Variants in LHX9 observed in about 807,000 individuals in gnomAD.
LHX9 encodes the protein LIM homeobox 9.
LHX9 carries 9 observed loss-of-function variants against 36.5 expected under a neutral mutation model. The ratio of observed to expected loss-of-function variants is 0.25; its 90% CI spans 0.15 to 0.43. The LOEUF (loss-of-function observed/expected upper bound fraction) is 0.43. LHX9 is among the 20% of genes least tolerant of loss of function. The pLI, the probability that LHX9 is intolerant of heterozygous loss-of-function variation, is 1.00. For missense variants in LHX9, 464 were observed against 526.4 expected (o/e 0.88, Z 1.16); for synonymous variants, 211 against 212.1 (o/e 0.99, Z 0.04).
intron 1 of LHX9, chr1:197,918,391 G>A: frequency 1.4e-6 from 1 of 717,160 alleles, no homozygotes; most frequent in Non-Finnish European, 2.6e-6. Context: ...CGCTGCCGAG[G>A]CGTCCGAGCC....
At chr1:197,923,003 G>A (rs1378637359) in intron 3 of LHX9, among the ~76,000 whole-genome samples, 1 of 152,180 alleles carries the variant, frequency 6.6e-6, no homozygotes, top group East Asian at 1.9e-4. Flanking sequence ...AGTTTTCAGG[G>A]GAACCCACAC....
chr1:197,925,320 G>T (rs1281818749), intron 3 of LHX9, among the ~76,000 whole-genome samples: 4 of 152,122 alleles, frequency 2.6e-5, no homozygotes, highest in Non-Finnish European at 5.9e-5. Context: ...TGATTATATA[G>T]TCAGGTTGGG....
upstream of LHX9, among the ~76,000 whole-genome samples, chr1:197,913,804 G>A (rs754714418): frequency 3.3e-5 from 5 of 152,298 alleles, no homozygotes; most frequent in South Asian, 4.1e-4. Flanking sequence ...CTTCTTAAAG[G>A]GCAAACTTAG....
rs778233746 is a variant in LHX9 at position 197,929,161 on chromosome 1, A to T, written c.1096A>T (p.Thr366Ser). Residue 366 changes from threonine (T) to serine (S), a missense_variant, in exon 5 of 5, where the codon ACC becomes TCC. Transcript: ENST00000367387. ...PGTATTLTDL[T>S]NPTITVVTSV... ...CACTGCGACCACTTTAACAGACCTG[A>T]CCAATCCCACTATCACTGTAGTGAC... 1.1e-5 allele frequency: 18 copies of T among 1,612,590 alleles called. No homozygotes were observed. The highest frequency in any genetic ancestry group is 1.7e-5 in the Admixed American group (1 of 59,654).
rs1262829759 is a variant in LHX9 at position 197,921,672 on chromosome 1, T to TAC, written c.733+13_733+14insAC. 6.4e-7 allele frequency: 1 copy of TAC among 1,552,692 alleles called. No homozygotes were observed. The highest frequency in any genetic ancestry group is 1.4e-5 in the African/African-American group (1 of 73,912). Reference sequence around the variant, plus strand: ...AATTACAACTCAGGTGTGCCTCCTATCCTCACCCCCGGCGCAGCCCCGGCC... The same window carrying TAC: ...AATTACAACTCAGGTGTGCCTCCTATACCCTCACCCCCGGCGCAGCCCCGGCC... On this transcript the variant is annotated intron_variant, in intron 3 of 4. Transcript: ENST00000367387. The surrounding 1 kb of genome is among the most constrained non-coding windows in gnomAD (Gnocchi z 4.6).
chr1:197,916,377 C>T, upstream of LHX9: 1 of 383,626 alleles, frequency 2.6e-6, no homozygotes, highest in Non-Finnish European at 4.7e-6. Flanking sequence ...GCGGGTGCGC[C>T]CAGTTTTACA....
chr1:197,920,308 A>G (rs1571400834), intron 2 of LHX9, 134 bp downstream of exon 2: 13 of 459,386 alleles, frequency 2.8e-5, no homozygotes, highest in South Asian at 2.1e-4. Flanking sequence ...GACCAGGCAA[A>G]CCCACTGCAT....
At chr1:197,919,327 C>A (rs1659891850) in intron 1 of LHX9, among the ~76,000 whole-genome samples, 1 of 152,002 alleles carries the variant, frequency 6.6e-6, no homozygotes, top group South Asian at 2.1e-4. Context: ...CTGTATACAG[C>A]GGGCTGGACA....
chr1:197,919,571 G>A (rs542223982), intron 1 of LHX9, among the ~76,000 whole-genome samples: 12 of 152,332 alleles, frequency 7.9e-5, no homozygotes, highest in African/African-American at 2.4e-4. Context: ...TGTGCTCGTT[G>A]AAATTTCCTT....
intron 4 of LHX9, 96 bp from the exon 5 acceptor site, chr1:197,928,904 AAG>A (rs776976584): frequency 1.7e-4 from 223 of 1,325,256 alleles, no homozygotes; most frequent in African/African-American, 6.0e-4. Flanking sequence ...AAAAAAAAAA[AAG>A]AAAGAAAGAA....
At chr1:197,928,910 G>T in intron 4 of LHX9, 92 bp from the exon 5 acceptor site, 7 of 1,236,394 alleles carry the variant, frequency 5.7e-6, no homozygotes, top group African/African-American at 1.6e-5. Flanking sequence ...AAAAAAGAAA[G>T]AAAGAAAAAG....
rs1351276609 is a variant in LHX9 at position 197,934,731 on chromosome 1, C to T, written c.*5472C>T. Reference sequence around the variant, plus strand: ...TCTTGATATTAAAATAAATAAAATGCCTCTAATGTAAAGCCACAGCCCTGC... The same window carrying T: ...TCTTGATATTAAAATAAATAAAATGTCTCTAATGTAAAGCCACAGCCCTGC... On this transcript the variant is annotated 3_prime_UTR_variant, in exon 5 of 5. Coordinates refer to ENST00000367387, the MANE Select transcript of LHX9 (RefSeq NM_020204.3). 1 of 151,850 alleles carries T rather than the reference C, an allele frequency of 6.6e-6. No homozygotes were observed. Among genetic ancestry groups the T allele is most frequent in the South Asian group, 2.1e-4 (1 of 4,812 alleles). 9.4% of individuals were successfully genotyped at this position (151,850 alleles called of 1,614,324 possible).
At chr1:197,915,702 A>G (rs1659729055), upstream of LHX9, 1 of 152,224 alleles carries the variant, frequency 6.6e-6, no homozygotes, top group East Asian at 1.9e-4. Flanking sequence ...GGGAAGCAGT[A>G]GTGTCTTCAG....
In LHX9 at chr1:197,927,732, C is replaced by T. The variant is rs1431269194; in HGVS notation, c.875C>T (p.Pro292Leu). 6.2e-7 allele frequency: 1 copy of T among 1,614,070 alleles called. No individual in the cohort carries two copies. Among genetic ancestry groups the T allele is most frequent in the African/African-American group, 1.3e-5 (1 of 74,928 alleles). Residue 292 changes from proline (P) to leucine (L), a missense_variant, in exon 4 of 5, where the codon CCG (proline) becomes CTG (leucine). Physicochemically the swap from Pro to Leu is moderately conservative, Grantham distance 98. This residue lies in a region of LHX9 where 20 missense variants were observed against 67.0 expected (regional missense o/e 0.30). Coordinates refer to ENST00000367387, the MANE Select transcript of LHX9 (RefSeq NM_020204.3). ...TCCTACTTTGCCATCAACCACAACC[C>T]GGATGCCAAGGACCTCAAGCAGCTT... ...MKSYFAINHN[P>L]DAKDLKQLAQ...
At chr1:197,919,551 A>T in intron 1 of LHX9, among the ~76,000 whole-genome samples, 1 of 152,208 alleles carries the variant, frequency 6.6e-6, no homozygotes, top group East Asian at 1.9e-4. Flanking sequence ...TTTTTTGTTT[A>T]AAAATAACCT....
At chr1:197,916,919 G>A (rs368960033), upstream of LHX9, among the ~76,000 whole-genome samples, 7 of 152,172 alleles carry the variant, frequency 4.6e-5, no homozygotes, top group East Asian at 7.7e-4. Flanking sequence ...GGATGAAAAA[G>A]TCCACAAGGA....
In LHX9 at chr1:197,921,436, G is replaced by A; in HGVS notation, c.510G>A (p.Thr170=). ...TCSTCNKTLT[T]GDHFGMKDSL... ...CCACTTGCAACAAGACTCTGACCAC[G>A]GGCGACCATTTCGGCATGAAGGACA... The change falls in exon 3 of 5, where the codon ACG becomes ACA. Residue 170 remains threonine, a synonymous_variant. Transcript: ENST00000367387. The surrounding 1 kb of genome is among the most constrained non-coding windows in gnomAD (Gnocchi z 4.6). 3 of 1,614,186 alleles carry A rather than the reference G, an allele frequency of 1.9e-6. No individual in the cohort carries two copies. The highest frequency in any genetic ancestry group is 2.5e-6 in the Non-Finnish European group (3 of 1,180,040).
rs774125186 is a variant in LHX9, at chr1:197,922,264, C to T, written c.733+605C>T. On this transcript the variant is annotated intron_variant, in intron 3 of 4. Coordinates refer to ENST00000367387, the MANE Select transcript of LHX9 (RefSeq NM_020204.3). Reference sequence around the variant, plus strand: ...TCCTAAGCCAGGATATTCAACCAGCCGTCTCATTCCCGGTGTGATAGACCA... The same window carrying T: ...TCCTAAGCCAGGATATTCAACCAGCTGTCTCATTCCCGGTGTGATAGACCA... 3.3e-5 allele frequency among the ~76,000 whole-genome samples: 5 copies of T among 152,180 alleles called. No homozygotes were observed. In the South Asian group the frequency reaches 6.2e-4, roughly 19 times the overall value.
chr1:197,929,816 T>C lies in LHX9; in HGVS notation c.*557T>C. 1.1e-6 allele frequency: 1 copy of C among 944,646 alleles called. No homozygotes were observed. Among genetic ancestry groups the C allele is most frequent in the Non-Finnish European group, 1.3e-6 (1 of 792,684 alleles). 58.5% of individuals were successfully genotyped at this position (944,646 alleles called of 1,614,324 possible). A position where few individuals can be genotyped will look rare whatever the true frequency, so the allele number is the denominator to read the frequency against. ...CTGTTAATTCAAGTGAGGAATATGA[T>C]GAAATAAAAGCATTAACTACAGACA... On this transcript the variant is annotated 3_prime_UTR_variant, in exon 5 of 5. Transcript: ENST00000367387.
Sources: allele counts gnomAD v4.1 joint callset (sites outside exome capture counted in the v4.1 genomes callset), GRCh38; gene constraint gnomAD v4.1.1; regional missense constraint gnomAD v4.1.1; non-coding constraint Gnocchi (gnomAD v3.1); transcripts MANE v1.5; gene names NCBI Gene and HGNC (gene_info 2026-07-23, HGNC 2026-07-21).